Variants in UHRF1 observed in about 807,000 individuals in gnomAD.
UHRF1 encodes the protein E3 ubiquitin-protein ligase UHRF1.
A neutral mutation model predicts 96.5 loss-of-function variants in UHRF1; 9 were observed. The observed-to-expected ratio is 0.09, with a 90% CI of 0.06 to 0.16. The LOEUF (loss-of-function observed/expected upper bound fraction) is 0.16, where lower values mean the gene tolerates loss of function less well. UHRF1 is among the 10% of genes least tolerant of loss of function. UHRF1 has a pLI of 1.00. For synonymous variants in UHRF1, 455 were observed against 469.9 expected, an observed-to-expected ratio of 0.97 and a Z score of 0.41; for missense variants, 626 against 1,131.1, an observed-to-expected ratio of 0.55 and a Z score of 6.40.
chr19:4,920,414 A>G (rs955400967), intron 2 of UHRF1, among the ~76,000 whole-genome samples: 3 of 152,044 alleles, frequency 2.0e-5, no homozygotes, highest in East Asian at 3.9e-4. Flanking sequence ...CCTGGGTGAC[A>G]GTGAGACTCC....
chr19:4,919,707 G>C (rs1249211661), intron 2 of UHRF1, among the ~76,000 whole-genome samples: 1 of 152,108 alleles, frequency 6.6e-6, no homozygotes, highest in African/African-American at 2.4e-5. Flanking sequence ...TTGAGTTAGG[G>C]CTGAGGTGGT....
Position 4,915,584 on chromosome 19 carries a change from A to G in UHRF1, c.153+4546A>G, listed in dbSNP as rs556083023. ...AAAAATTAGCCAGACGTGGTGGCGC[A>G]TGTCTGTAGTTCCACTTAGGAGGCT... is the stretch of plus-strand genomic sequence containing the variant. On this transcript the variant is annotated intron_variant, in intron 2 of 16. Coordinates refer to ENST00000650932, the MANE Select transcript of UHRF1 (RefSeq NM_001048201.3). Among the ~76,000 whole-genome samples the G allele has an allele frequency of 3.9e-5, 6 of 152,154 alleles. 1 individual carries two copies. The highest frequency in any genetic ancestry group is 2.1e-4 in the South Asian group (1 of 4,822).
intron 16 of UHRF1, among the ~76,000 whole-genome samples, chr19:4,958,559 C>G (rs1390638481): frequency 6.6e-6 from 1 of 152,256 alleles, no homozygotes; most frequent in Non-Finnish European, 1.5e-5. Context: ...AAGGAAGGGG[C>G]TAACCAGCAT....
In UHRF1 at chr19:4,938,730, G is replaced by GTTTTTTTTTTTTTTTTTTTTTTTT. The variant is rs71170880; in HGVS notation, c.786-2790_786-2767dup. On this transcript the variant is annotated intron_variant, in intron 5 of 16. Coordinates refer to ENST00000650932, the MANE Select transcript of UHRF1 (RefSeq NM_001048201.3). ...GGCATAAGAGTTTTGTTTTGGTCAG[G>GTTTTTTTTTTTTTTTTTTTTTTTT]TTTTTTTTTTTTTTTTTTTTTTTTT... Among the ~76,000 whole-genome samples, 15 of 61,588 alleles carry GTTTTTTTTTTTTTTTTTTTTTTTT rather than the reference G, an allele frequency of 2.4e-4. 2 individuals carry two copies. Among genetic ancestry groups the GTTTTTTTTTTTTTTTTTTTTTTTT allele is most frequent in the Non-Finnish European group, 3.2e-4 (11 of 34,020 alleles). The allele number at this position is 61,588 out of a possible 152,430, so 40.4% of individuals were successfully genotyped here.
chr19:4,929,118 C>CA (rs996461829), intron 2 of UHRF1, 104 bp from the exon 3 acceptor site: 4 of 1,457,430 alleles, frequency 2.7e-6, no homozygotes, highest in Non-Finnish European at 3.7e-6. Context: ...GATTGCCCCC[C>CA]CCCCACAAGG....
intron 2 of UHRF1, 58 bp downstream of exon 2, chr19:4,911,096 GCCACCAGCCGAT>G: frequency 7.1e-7 from 1 of 1,415,674 alleles, no homozygotes. Context: ...CGCCTCTGCA[GCCACCAGCCGAT>G]ACTTTCTCCC....
chr19:4,958,789 T>C (rs1012077783), intron 16 of UHRF1, among the ~76,000 whole-genome samples: 8 of 151,764 alleles, frequency 5.3e-5, no homozygotes, highest in African/African-American at 1.9e-4. Context: ...CCGGGCAACA[T>C]GGTGAAACCC....
intron 15 of UHRF1, among the ~76,000 whole-genome samples, chr19:4,955,434 A>C (rs1455912199): frequency 2.6e-5 from 4 of 151,920 alleles, no homozygotes; most frequent in African/African-American, 9.7e-5. Flanking sequence ...CCTCGGGGTG[A>C]CATCAGGCCC....
chr19:4,917,871 G>C (rs2146300862), intron 2 of UHRF1, among the ~76,000 whole-genome samples: 1 of 152,054 alleles, frequency 6.6e-6, no homozygotes, highest in South Asian at 2.1e-4. Context: ...ACAGGGTCTT[G>C]CCTGGTATCA....
At chr19:4,931,478 A>AT (rs2033050959) in intron 4 of UHRF1, among the ~76,000 whole-genome samples, 1 of 149,850 alleles carries the variant, frequency 6.7e-6, no homozygotes, top group South Asian at 2.1e-4. Context: ...TTTTTATTTT[A>AT]TTTTTTCGAG....
chr19:4,922,158 G>A (rs2032722224), intron 2 of UHRF1, among the ~76,000 whole-genome samples: 1 of 152,182 alleles, frequency 6.6e-6, no homozygotes, highest in Admixed American at 6.5e-5. Flanking sequence ...TGTTGGCCAG[G>A]CTGGTCTCGA....
chr19:4,940,130 T>C (rs1362062192), intron 5 of UHRF1, among the ~76,000 whole-genome samples: 1 of 149,782 alleles, frequency 6.7e-6, no homozygotes, highest in East Asian at 1.9e-4. Context: ...AAATAATCTT[T>C]TGTCTACACT....
At chr19:4,911,998 C>T (rs568867063) in intron 2 of UHRF1, among the ~76,000 whole-genome samples, 7 of 152,222 alleles carry the variant, frequency 4.6e-5, no homozygotes, top group South Asian at 4.1e-4. Context: ...ACACTGCGCC[C>T]GGCCAGGGGT....
At chr19:4,913,257 T>TTC (rs980596598) in intron 2 of UHRF1, among the ~76,000 whole-genome samples, 1 of 148,086 alleles carries the variant, frequency 6.8e-6, no homozygotes, top group African/African-American at 2.5e-5. Flanking sequence ...TTGTGCTTTT[T>TTC]TTTTTTTTTT....
chr19:4,905,554 G>T (rs1043221960), upstream of UHRF1, among the ~76,000 whole-genome samples: 1 of 151,390 alleles, frequency 6.6e-6, no homozygotes. Flanking sequence ...TTTTGCTCTT[G>T]TTGCCCAGGC....
At chr19:4,940,803 G>A (rs2033369612) in intron 5 of UHRF1, among the ~76,000 whole-genome samples, 1 of 151,966 alleles carries the variant, frequency 6.6e-6, no homozygotes, top group Non-Finnish European at 1.5e-5. Flanking sequence ...CTCCTGGGTA[G>A]CTGGGATTAC....
chr19:4,933,996 T>TGTGA (rs1274692860), intron 5 of UHRF1, among the ~76,000 whole-genome samples: 23 of 150,454 alleles, frequency 1.5e-4, no homozygotes, highest in Non-Finnish European at 2.8e-4. Context: ...TGTGTGTGTG[T>TGTGA]GATAAAATGT....
intron 5 of UHRF1, among the ~76,000 whole-genome samples, chr19:4,940,359 ATTTTTTTTTTTTT>A (rs543779456): frequency 1.5e-5 from 1 of 67,056 alleles, no homozygotes; most frequent in East Asian, 6.0e-4. Flanking sequence ...TGCCTTTATG[ATTTTTTTTTTTTT>A]TTTTTTTTTT....
rs530588594 is a variant in UHRF1 at position 4,956,825 on chromosome 19, T to G, written c.2235+12T>G. 7 of 1,589,562 alleles carry G rather than the reference T, an allele frequency of 4.4e-6. No homozygotes were observed. In the African/African-American group the frequency reaches 9.4e-5, roughly 21 times the overall value. On this transcript the variant is annotated intron_variant, in intron 16 of 16. Transcript: ENST00000650932. ...ACAACGTGTGCAAGGTGAGTAGAGATGGCCGCGGGAGCCGGGTGGAAGGTT... is the reference window on the plus strand; with the variant it reads ...ACAACGTGTGCAAGGTGAGTAGAGAGGGCCGCGGGAGCCGGGTGGAAGGTT...
Sources: allele counts gnomAD v4.1 joint callset (sites outside exome capture counted in the v4.1 genomes callset), GRCh38; gene constraint gnomAD v4.1.1; transcripts MANE v1.5; gene names NCBI Gene and HGNC (gene_info 2026-07-23, HGNC 2026-07-21).